The following MUC4 variants were observed in gnomAD, a reference collection of about 807,000 sequenced individuals.
MUC4 encodes mucin-4.
In MUC4, 202 loss-of-function variants were observed where a neutral mutation model predicts 257.9. The observed-to-expected ratio is 0.78, with a 90% CI of 0.70 to 0.88. MUC4 has a LOEUF of 0.88. Ranked by LOEUF, MUC4 falls within the 40% of genes least tolerant of loss-of-function variation. The pLI is 0.00. For missense variants in MUC4, 5,976 were observed against 6,513.7 expected (o/e 0.92, Z 2.84); for synonymous variants, 2,351 against 2,757.1 (o/e 0.85, Z 4.62).
At position 195,751,269 on chromosome 3, in the gene MUC4, C is replaced by T. The variant is rs924696169; in HGVS notation, c.15585G>A (p.Val5195=). ...NASMAEVNAS[V]AYRLGTLDMR... ...TGTCCAGGGTCCCCAGTCTGTATGC[C>T]ACCTAGGTTAGAGGATGGCAGATGG... Residue 5195 remains valine (V), a splice_region_variant and synonymous_variant, in exon 22 of 25, where the codon GTG becomes GTA. Transcript: ENST00000463781. The T allele has an allele frequency of 6.2e-7, 1 of 1,604,832 alleles. No homozygotes were observed. Among genetic ancestry groups the T allele is most frequent in the East Asian group, 2.2e-5 (1 of 44,702 alleles).
Position 195,770,094 on chromosome 3 carries a change from C to A in MUC4, c.13398+122G>T. On this transcript the variant is annotated intron_variant, in intron 6 of 24. Coordinates refer to ENST00000463781, the MANE Select transcript of MUC4 (RefSeq NM_018406.7). ...CAGTGGGGGGGTGGCGGTGGGGGGG[C>A]TTGCTATAATTAGCAATCTTTCCTA... 6 of 1,048,440 alleles carry A rather than the reference C, an allele frequency of 5.7e-6. No individual in the cohort carries two copies. In the South Asian group the frequency reaches 1.2e-4, roughly 20 times the overall value. 64.9% of individuals were successfully genotyped at this position (1,048,440 alleles called of 1,614,324 possible). A position where few individuals can be genotyped will look rare whatever the true frequency, so the allele number is the denominator to read the frequency against.
At chr3:195,765,187 AG>A in intron 9 of MUC4, 65 bp from the exon 10 acceptor site, 1 of 1,558,000 alleles carries the variant, frequency 6.4e-7, no homozygotes, top group African/African-American at 1.5e-5. Flanking sequence ...GGGAACAAGC[AG>A]GGGCTGTTTC....
In MUC4 at chr3:195,790,199, T is replaced by A. The variant is rs1453791690; in HGVS notation, c.1381A>T (p.Thr461Ser). The A allele has an allele frequency of 5.0e-6, 8 of 1,614,022 alleles. No individual in the cohort carries two copies. The highest frequency in any genetic ancestry group is 5.9e-6 in the Non-Finnish European group (7 of 1,179,876). Residue 461 changes from threonine to serine, a missense_variant, in exon 2 of 25, where the codon ACC (threonine) becomes TCC (serine). By Grantham distance (58) the Thr-to-Ser change is moderately conservative. Transcript: ENST00000463781. Reference protein sequence around the residue: ...FHTQQSEGAETTGRPHERSSF... With the variant: ...FHTQQSEGAESTGRPHERSSF... ...CTCCTCTCATGAGGCCGTCCTGTGG[T>A]CTCTGCACCTTCACTCTGCTGGGTG... is the stretch of plus-strand genomic sequence containing the variant.
At chr3:195,756,892 A>G (rs771086677) in intron 18 of MUC4, among the ~76,000 whole-genome samples, 1 of 151,784 alleles carries the variant, frequency 6.6e-6, no homozygotes, top group South Asian at 2.1e-4. Flanking sequence ...CGATCTCCTG[A>G]CCTTGTGATC....
At chr3:195,808,540 T>C (rs1385323835) in intron 1 of MUC4, among the ~76,000 whole-genome samples, 3 of 152,196 alleles carry the variant, frequency 2.0e-5, no homozygotes, top group African/African-American at 7.2e-5. Context: ...AGATGCTGTC[T>C]CGTTTCATCC....
In MUC4 at chr3:195,747,288, G is replaced by A. The variant is rs62284986; in HGVS notation, c.16127C>T (p.Ala5376Val). The A allele has an allele frequency of 0.18, 292,483 of 1,606,068 alleles. 25,778 individuals are homozygous for A. The highest frequency in any genetic ancestry group is 0.21 in the Middle Eastern group (1,271 of 6,030). ...LDAFFGIFFG[A>V]LGGLLLLGVG... Reference sequence around the variant, plus strand: ...CCCCAGCAGCAAGAGGCCGCCCAGGGCCCCAAAGAAGATGCCGAAGAACGC... The same window carrying A: ...CCCCAGCAGCAAGAGGCCGCCCAGGACCCCAAAGAAGATGCCGAAGAACGC... The change falls in exon 25 of 25, where the codon GCC becomes GTC. Residue 5376 changes from alanine to valine, a missense_variant. This residue lies in a region of MUC4 where 310 missense variants were observed against 242.1 expected (regional missense o/e 1.28). Coordinates refer to ENST00000463781, the MANE Select transcript of MUC4 (RefSeq NM_018406.7).
chr3:195,791,884 G>T (rs3107763), intron 1 of MUC4, among the ~76,000 whole-genome samples: 63,231 of 152,036 alleles, frequency 0.42, 15,487 homozygotes, highest in East Asian at 0.74. Context: ...CAGGCAATGG[G>T]GAAAGGATTC....
rs1393629068 is a variant in MUC4 at position 195,810,181 on chromosome 3, TC to T, written c.82+1554del. 1.3e-5 allele frequency: 2 copies of T among 152,260 alleles called. No individual in the cohort carries two copies. The highest frequency in any genetic ancestry group is 2.4e-5 in the African/African-American group (1 of 41,420). 9.4% of individuals were successfully genotyped at this position (152,260 alleles called of 1,614,324 possible). A position where few individuals can be genotyped will look rare whatever the true frequency, so the allele number is the denominator to read the frequency against. ...GCAGTTTCCTTTGCCCTCAGCCTAG[TC>T]CTGAAACATCCCGAGGTGGAAGGGT... On this transcript the variant is annotated intron_variant, in intron 1 of 24. Transcript: ENST00000463781. This position sits in a 1 kb window ranked among gnomAD's most constrained non-coding sequence, Gnocchi z 4.2.
rs200883904 is a variant in MUC4, at chr3:195,766,708, C to G, written c.13573G>C (p.Val4525Leu). The change falls in exon 8 of 25, where the codon GTG (valine) becomes CTG (leucine). Residue 4525 changes from valine (V) to leucine (L), a missense_variant. Val to Leu is a conservative substitution (Grantham distance 32, BLOSUM62 1). This residue lies in a region of MUC4 where 996 missense variants were observed against 1,137.3 expected (regional missense o/e 0.88). Transcript: ENST00000463781. ...CTATCAGGGCGATACCTCTCCCACA[C>G]TGGCTGGGACATCAGTGGGCTGTTT... ...FENSPLMSQP[V>L]WERYRPDRFL... The G allele has an allele frequency of 2.9e-5, 47 of 1,614,088 alleles. No individual in the cohort carries two copies. The highest frequency in any genetic ancestry group is 3.6e-5 in the Non-Finnish European group (42 of 1,180,038).
At chr3:195,800,589 G>A (rs927106611) in intron 1 of MUC4, among the ~76,000 whole-genome samples, 17 of 152,180 alleles carry the variant, frequency 1.1e-4, no homozygotes, top group African/African-American at 4.1e-4. Flanking sequence ...TCCTGCAATA[G>A]ATTGATTATT....
At chr3:195,762,743 A>AACGCACCCGGCCCTGCACCGCC (rs1719454819) in intron 13 of MUC4, 112 bp downstream of exon 13, 2 of 954,254 alleles carry the variant, frequency 2.1e-6, no homozygotes, top group Non-Finnish European at 2.8e-6. Context: ...CCTGCACCAC[A>AACGCACCCGGCCCTGCACCGCC]ACGCACCCGG....
In MUC4 at chr3:195,750,918, G is replaced by C; in HGVS notation, c.15842C>G (p.Ser5281Cys). ...PRNDVVFQPI[S>C]GEDVRDVTAL... ...TGTCACATCGCGCACGTCTTCCCCG[G>C]AGATGGGCTGGAAGACCACGTCGTT... The change falls in exon 23 of 25, where the codon TCC (serine) becomes TGC (cysteine). Residue 5281 changes from serine (S) to cysteine (C), a missense_variant. By Grantham distance (112) the Ser-to-Cys change is moderately radical. Around this residue, in one of 44 missense-constraint regions of MUC4, gnomAD observed 310 missense variants for 242.1 expected, o/e 1.28. Transcript: ENST00000463781. The C allele has an allele frequency of 1.2e-6, 2 of 1,613,850 alleles. No homozygotes were observed. The highest frequency in any genetic ancestry group is 1.7e-6 in the Non-Finnish European group (2 of 1,179,942).
intron 11 of MUC4, 88 bp downstream of exon 11, chr3:195,763,957 C>G (rs1435520392): frequency 1.4e-6 from 2 of 1,476,154 alleles, no homozygotes; most frequent in Non-Finnish European, 1.8e-6. Flanking sequence ...CAGCTCTGCC[C>G]CTACTCCTTA....
At position 195,762,176 on chromosome 3, in the gene MUC4, G is replaced by C; in HGVS notation, c.14423C>G (p.Ala4808Gly). ...GGAGAGCGCGATCACCGAGACGGTG[G>C]CCCAGCCGTCGAAGCTGGCCGAGAC... The part of the protein sequence containing the change: ...SEVSASFDGW[A>G]TVSVIALSNI... The change falls in exon 14 of 25, where the codon GCC (alanine) becomes GGC (glycine). Residue 4808 changes from alanine (A) to glycine (G), a missense_variant. Coordinates refer to ENST00000463781, the MANE Select transcript of MUC4 (RefSeq NM_018406.7). 1 of 1,606,412 alleles carries C rather than the reference G, an allele frequency of 6.2e-7. No homozygotes were observed.
In MUC4 at chr3:195,764,032, C is replaced by T. The variant is rs371484999; in HGVS notation, c.14044+13G>A. On this transcript the variant is annotated intron_variant, in intron 11 of 24. Transcript: ENST00000463781. ...CCCAGAGGCTCTTCCTGGGCCTGGGCCCTGTCGCTCACCGGGCTGTGGGGG... is the reference window on the plus strand; with the variant it reads ...CCCAGAGGCTCTTCCTGGGCCTGGGTCCTGTCGCTCACCGGGCTGTGGGGG... 4 of 1,607,068 alleles carry T rather than the reference C, an allele frequency of 2.5e-6. No individual in the cohort carries two copies. In the African/African-American group the frequency reaches 4.0e-5, roughly 16 times the overall value.
Position 195,796,081 on chromosome 3 carries a change from A to T in MUC4, c.83-4584T>A, listed in dbSNP as rs7373122. Among the ~76,000 whole-genome samples, 74 of 152,108 alleles carry T rather than the reference A, an allele frequency of 4.9e-4. 1 individual carries two copies. Among genetic ancestry groups the T allele is most frequent in the African/African-American group, 1.7e-3 (72 of 41,566 alleles). ...AAAAACTATTTTATTTTATTTATTT[A>T]ATTTTATTTATTTATTTTTTTGAAA... On this transcript the variant is annotated intron_variant, in intron 1 of 24. Coordinates refer to ENST00000463781, the MANE Select transcript of MUC4 (RefSeq NM_018406.7).
Position 195,789,867 on chromosome 3 carries a change from C to G in MUC4, c.1713G>C (p.Thr571=). 1 of 1,613,964 alleles carries G rather than the reference C, an allele frequency of 6.2e-7. No individual in the cohort carries two copies. The highest frequency in any genetic ancestry group is 1.7e-4 in the Middle Eastern group (1 of 6,060). Residue 571 remains threonine, a synonymous_variant, in exon 2 of 25, where the codon ACG becomes ACC. Transcript: ENST00000463781. ...AGAQTQWTQE[T]GTTGEALLSS... Reference sequence around the variant, plus strand: ...TGAGAAGAGCCTCTCCAGTGGTCCCCGTTTCTTGTGTCCATTGTGTCTGGG... The same window carrying G: ...TGAGAAGAGCCTCTCCAGTGGTCCCGGTTTCTTGTGTCCATTGTGTCTGGG...
Position 195,750,950 on chromosome 3 carries a change from C to G in MUC4, c.15810G>C (p.Glu5270Asp). The G allele has an allele frequency of 6.2e-7, 1 of 1,614,054 alleles. No individual in the cohort carries two copies. The highest frequency in any genetic ancestry group is 1.3e-5 in the African/African-American group (1 of 75,030). ...FLYHVPRRSE[E>D]PRNDVVFQPI... ...GCTGGAAGACCACGTCGTTCCTGGG[C>G]TCCTCACTCCTCCGTGGAACGTGGT... The change falls in exon 23 of 25, where the codon GAG becomes GAC. Residue 5270 changes from glutamate (E) to aspartate (D), a missense_variant. Physicochemically the swap from Glu to Asp is conservative, Grantham distance 45. Around this residue, in one of 44 missense-constraint regions of MUC4, gnomAD observed 310 missense variants for 242.1 expected, o/e 1.28. Coordinates refer to ENST00000463781, the MANE Select transcript of MUC4 (RefSeq NM_018406.7).
At chr3:195,777,855 C>CCATACCTTCCACAGT (rs1169456206) in intron 3 of MUC4, among the ~76,000 whole-genome samples, 1 of 103,010 alleles carries the variant, frequency 9.7e-6, no homozygotes, top group African/African-American at 9.0e-5. Flanking sequence ...CCTTCCACAC[C>CCATACCTTCCACAGT]CATACCTTCC....
Sources: allele counts gnomAD v4.1 joint callset (sites outside exome capture counted in the v4.1 genomes callset), GRCh38; gene constraint gnomAD v4.1.1; regional missense constraint gnomAD v4.1.1; non-coding constraint Gnocchi (gnomAD v3.1); transcripts MANE v1.5; gene names NCBI Gene and HGNC (gene_info 2026-07-23, HGNC 2026-07-21).